ZNF804A: variants seen among roughly 807,000 people sequenced by gnomAD.
ZNF804A encodes the protein zinc finger protein 804A.
Under a neutral mutation model 16.5 loss-of-function variants are expected in ZNF804A, and 2 were observed. The observed-to-expected ratio is 0.12, with a 90% CI of 0.05 to 0.38. The LOEUF is 0.38. ZNF804A is among the 10% of genes least tolerant of loss of function. ZNF804A has a pLI of 0.99. For synonymous variants in ZNF804A, 534 were observed against 489.6 expected, an observed-to-expected ratio of 1.09 and a Z score of -1.20; for missense variants, 1,473 against 1,390.7, an observed-to-expected ratio of 1.06 and a Z score of -0.94.
rs1010158069 is a variant in ZNF804A at position 184,647,701 on chromosome 2, T to A, written c.111+48631T>A. 7.2e-5 allele frequency among the ~76,000 whole-genome samples: 11 copies of A among 152,290 alleles called. 2 individuals are homozygous for A. On this transcript the variant is annotated intron_variant, in intron 1 of 3. Coordinates refer to ENST00000302277, the MANE Select transcript of ZNF804A (RefSeq NM_194250.2). ...CAGAAAGACAAAGAAAAAATGTTTTTAAAAAGAATAAATTCTTCAAGAAAT... is the reference window on the plus strand; with the variant it reads ...CAGAAAGACAAAGAAAAAATGTTTTAAAAAAGAATAAATTCTTCAAGAAAT...
intron 1 of ZNF804A, among the ~76,000 whole-genome samples, chr2:184,707,382 A>T (rs1423038667): frequency 6.6e-6 from 1 of 152,118 alleles, no homozygotes; most frequent in Admixed American, 6.6e-5. Context: ...TGGGATACAG[A>T]TGATCCTGTC....
chr2:184,815,412 G>T (rs555696385), intron 1 of ZNF804A, among the ~76,000 whole-genome samples: 1 of 151,086 alleles, frequency 6.6e-6, no homozygotes, highest in East Asian at 1.9e-4. Flanking sequence ...TTATATGAGG[G>T]TATTGTGCTA....
chr2:184,781,987 T>C (rs1181935254), intron 1 of ZNF804A, among the ~76,000 whole-genome samples: 2 of 151,800 alleles, frequency 1.3e-5, no homozygotes, highest in Admixed American at 1.3e-4. Flanking sequence ...CCATTTCTTC[T>C]TGTATCTTCA....
intron 1 of ZNF804A, among the ~76,000 whole-genome samples, chr2:184,697,498 C>G (rs1692851745): frequency 6.6e-6 from 1 of 151,832 alleles, no homozygotes; most frequent in South Asian, 2.1e-4. Flanking sequence ...ATTTAATTTA[C>G]TAATATATAA....
chr2:184,868,866 C>T (rs545441860), intron 2 of ZNF804A, among the ~76,000 whole-genome samples: 66 of 151,876 alleles, frequency 4.3e-4, no homozygotes, highest in African/African-American at 1.2e-3. Context: ...ATACCTGCAA[C>T]CAAAAAAAAC....
intron 2 of ZNF804A, among the ~76,000 whole-genome samples, chr2:184,885,434 A>G (rs1258549318): frequency 6.6e-6 from 1 of 152,218 alleles, no homozygotes; most frequent in Non-Finnish European, 1.5e-5. Context: ...CAGGAAATCA[A>G]GCTAAATGCT....
At chr2:184,810,396 AT>A (rs1430263719) in intron 1 of ZNF804A, among the ~76,000 whole-genome samples, 1 of 133,632 alleles carries the variant, frequency 7.5e-6, no homozygotes, top group Admixed American at 7.5e-5. Flanking sequence ...TCATGTACTT[AT>A]TTTTTTAGAT....
rs532419518 is a variant in ZNF804A at position 184,905,203 on chromosome 2, G to A, written c.256-28400G>A. ...GTGTAATCCTTTGTCATTAAATCCT[G>A]CTGCTTAAAAGACACTATCCCTGCT... On this transcript the variant is annotated intron_variant, in intron 2 of 3. Coordinates refer to ENST00000302277, the MANE Select transcript of ZNF804A (RefSeq NM_194250.2). Among the ~76,000 whole-genome samples, 12 of 152,118 alleles carry A rather than the reference G, an allele frequency of 7.9e-5. 1 individual carries two copies. Among genetic ancestry groups the A allele is most frequent in the African/African-American group, 2.9e-4 (12 of 41,530 alleles).
At chr2:184,703,968 G>C (rs1692976836) in intron 1 of ZNF804A, among the ~76,000 whole-genome samples, 1 of 151,888 alleles carries the variant, frequency 6.6e-6, no homozygotes, top group South Asian at 2.1e-4. Context: ...AAAATTTTTA[G>C]GATAAACTAC....
intron 1 of ZNF804A, among the ~76,000 whole-genome samples, chr2:184,667,808 C>T (rs1158139336): frequency 6.6e-6 from 1 of 151,686 alleles, no homozygotes; most frequent in African/African-American, 2.4e-5. Flanking sequence ...TAAAATAAAT[C>T]TTTTTGTGTG....
At chr2:184,838,139 A>AT (rs942309594) in intron 1 of ZNF804A, among the ~76,000 whole-genome samples, 1 of 151,484 alleles carries the variant, frequency 6.6e-6, no homozygotes, top group South Asian at 2.1e-4. Context: ...AAGACAGAGA[A>AT]TTTTTTTTTA....
chr2:184,717,294 A>G (rs897236103), intron 1 of ZNF804A, among the ~76,000 whole-genome samples: 3 of 151,938 alleles, frequency 2.0e-5, no homozygotes, highest in East Asian at 1.9e-4. Flanking sequence ...ATTTTCCCAA[A>G]TTTCTTTCAA....
intron 1 of ZNF804A, among the ~76,000 whole-genome samples, chr2:184,851,619 G>A (rs945236361): frequency 6.6e-5 from 10 of 151,976 alleles, no homozygotes; most frequent in African/African-American, 2.4e-4. Context: ...CCATACCTTT[G>A]CTACTGTGAA....
At chr2:184,865,490 G>A (rs1015370031) in intron 1 of ZNF804A, among the ~76,000 whole-genome samples, 22 of 152,142 alleles carry the variant, frequency 1.4e-4, no homozygotes, top group Non-Finnish European at 3.1e-4. Flanking sequence ...GGGCAAGAAA[G>A]AGCTTCAAGG....
chr2:184,758,300 A>T (rs1461002317), intron 1 of ZNF804A, among the ~76,000 whole-genome samples: 2 of 152,002 alleles, frequency 1.3e-5, no homozygotes, highest in Non-Finnish European at 2.9e-5. Context: ...GATGATACAA[A>T]TAAATATCAA....
At chr2:184,703,208 T>C (rs902443524) in intron 1 of ZNF804A, among the ~76,000 whole-genome samples, 1 of 152,234 alleles carries the variant, frequency 6.6e-6, no homozygotes, top group Non-Finnish European at 1.5e-5. Context: ...GTTATATACG[T>C]ATTTTCTCAG....
rs752626444 is a variant in ZNF804A, at chr2:184,937,460, T to C, written c.2064T>C (p.Ser688=). Residue 688 remains serine, a synonymous_variant, in exon 4 of 4, where the codon AGT becomes AGC. Transcript: ENST00000302277. ...AATACAACACTTATGATACTATCAG[T>C]TCTAAAAACCACTGTAAAAAGAACA... is the stretch of plus-strand genomic sequence containing the variant. ...NTEYNTYDTI[S]SKNHCKKNTI... is the part of the protein sequence containing the mutation. 3.1e-6 allele frequency: 5 copies of C among 1,601,944 alleles called. No individual in the cohort carries two copies. The highest frequency in any genetic ancestry group is 4.3e-6 in the Non-Finnish European group (5 of 1,175,366).
intron 1 of ZNF804A, among the ~76,000 whole-genome samples, chr2:184,660,457 A>G (rs1476586035): frequency 6.6e-6 from 1 of 152,234 alleles, no homozygotes; most frequent in Admixed American, 6.5e-5. Flanking sequence ...AGAAACAGAT[A>G]TTTCAAATAT....
chr2:184,722,886 C>G (rs1348359533), intron 1 of ZNF804A, among the ~76,000 whole-genome samples: 3 of 151,952 alleles, frequency 2.0e-5, no homozygotes, highest in Admixed American at 2.0e-4. Flanking sequence ...TTCATGTTAA[C>G]GGTATTTACC....
Sources: allele counts gnomAD v4.1 joint callset (sites outside exome capture counted in the v4.1 genomes callset), GRCh38; gene constraint gnomAD v4.1.1; transcripts MANE v1.5; gene names NCBI Gene and HGNC (gene_info 2026-07-23, HGNC 2026-07-21).